Variants in PTPRM observed in about 807,000 individuals in gnomAD.
The protein encoded by PTPRM is protein tyrosine phosphatase receptor type M.
In PTPRM, 47 loss-of-function variants were observed where a neutral mutation model predicts 186.7. The observed-to-expected ratio is 0.25, with a 90% CI of 0.20 to 0.32. The LOEUF is 0.32. Ranked by LOEUF, PTPRM falls within the 10% of genes least tolerant of loss-of-function variation. The pLI is 1.00. For missense variants in PTPRM, 1,494 were observed against 1,865.0 expected, an observed-to-expected ratio of 0.80 and a Z score of 3.66; for synonymous variants, 668 against 674.9, an observed-to-expected ratio of 0.99 and a Z score of 0.16.
chr18:8,244,266 G>T, intron 15 of PTPRM, 57 bp downstream of exon 15: 1 of 1,440,772 alleles, frequency 6.9e-7, no homozygotes, highest in Non-Finnish European at 9.2e-7. Flanking sequence ...CAAGATTCCA[G>T]GTGGTACTAG....
intron 3 of PTPRM, among the ~76,000 whole-genome samples, chr18:7,898,244 CAGA>C (rs2049470623): frequency 1.3e-5 from 2 of 152,102 alleles, no homozygotes; most frequent in Non-Finnish European, 1.5e-5. Context: ...AAATCAAAAC[CAGA>C]AGGATAGACT....
At chr18:7,662,319 A>G (rs996936997) in intron 1 of PTPRM, among the ~76,000 whole-genome samples, 1 of 152,222 alleles carries the variant, frequency 6.6e-6, no homozygotes, top group African/African-American at 2.4e-5. Context: ...CTAAGTGTGT[A>G]TCAAGAGATG....
chr18:8,323,363 C>G (rs911302016), intron 22 of PTPRM, among the ~76,000 whole-genome samples: 3 of 152,094 alleles, frequency 2.0e-5, no homozygotes, highest in Admixed American at 6.5e-5. Context: ...ATGCTCACCC[C>G]CCAAAACCAT....
intron 20 of PTPRM, among the ~76,000 whole-genome samples, chr18:8,314,571 T>A (rs566206356): frequency 6.6e-6 from 1 of 152,368 alleles, no homozygotes; most frequent in South Asian, 2.1e-4. Flanking sequence ...AATAAGTTAA[T>A]GAGATTTACT....
At chr18:8,237,431 ATTTTTTTTTTT>A (rs59073560) in intron 14 of PTPRM, among the ~76,000 whole-genome samples, 15 of 71,676 alleles carry the variant, frequency 2.1e-4, no homozygotes, top group African/African-American at 3.0e-4. Flanking sequence ...GATTCCCTCA[ATTTTTTTTTTT>A]TTTTTTTTTT....
At chr18:8,286,116 G>C (rs1198229210) in intron 19 of PTPRM, among the ~76,000 whole-genome samples, 1 of 152,236 alleles carries the variant, frequency 6.6e-6, no homozygotes, top group South Asian at 2.1e-4. Context: ...AGGTGTACAT[G>C]AGTGACTAAA....
intron 14 of PTPRM, among the ~76,000 whole-genome samples, chr18:8,191,324 A>G (rs1352883569): frequency 6.6e-6 from 1 of 150,932 alleles, no homozygotes; most frequent in African/African-American, 2.5e-5. Context: ...GGGCCTAGGG[A>G]GCACATACTT....
chr18:8,126,693 C>G lies in PTPRM; in HGVS notation c.2167+11866C>G, dbSNP rs769207451. Reference sequence around the variant, plus strand: ...TGTCCTTCTGGGGACCCAAGGTTCTCTATTTGTAAGATGAAGATATAACTG... The same window carrying G: ...TGTCCTTCTGGGGACCCAAGGTTCTGTATTTGTAAGATGAAGATATAACTG... On this transcript the variant is annotated intron_variant, in intron 13 of 32. Coordinates refer to ENST00000580170, the MANE Select transcript of PTPRM (RefSeq NM_001105244.2). Among the ~76,000 whole-genome samples, 18 of 152,122 alleles carry G rather than the reference C, an allele frequency of 1.2e-4. 1 individual carries two copies. The highest frequency in any genetic ancestry group is 1.5e-5 in the Non-Finnish European group (1 of 68,032).
intron 13 of PTPRM, among the ~76,000 whole-genome samples, chr18:8,121,618 A>G (rs927875872): frequency 2.6e-5 from 4 of 152,174 alleles, no homozygotes; most frequent in African/African-American, 9.7e-5. Flanking sequence ...TTCTTTTCCA[A>G]CCAATACTTG....
chr18:8,215,011 A>G (rs111908083), intron 14 of PTPRM, among the ~76,000 whole-genome samples: 95 of 152,258 alleles, frequency 6.2e-4, no homozygotes, highest in African/African-American at 2.2e-3. Flanking sequence ...TATCTTTGAC[A>G]CCATTTTGAC....
chr18:7,708,233 G>A (rs889097183), intron 1 of PTPRM, among the ~76,000 whole-genome samples: 6 of 152,076 alleles, frequency 3.9e-5, no homozygotes, highest in Non-Finnish European at 7.4e-5. Context: ...ACCAAATAAC[G>A]TTTTCCAGTC....
At chr18:8,202,820 A>G (rs2093876226) in intron 14 of PTPRM, among the ~76,000 whole-genome samples, 1 of 152,092 alleles carries the variant, frequency 6.6e-6, no homozygotes, top group Admixed American at 6.6e-5. Context: ...ATCTTAATAA[A>G]ATATAATTGG....
At chr18:8,326,365 C>G (rs2095376259) in intron 22 of PTPRM, among the ~76,000 whole-genome samples, 1 of 152,156 alleles carries the variant, frequency 6.6e-6, no homozygotes, top group Non-Finnish European at 1.5e-5. Flanking sequence ...CTGCTCAAAG[C>G]AATTTACAGA....
In PTPRM at chr18:7,679,494, G is replaced by A. The variant is rs139360731; in HGVS notation, c.74-94655G>A. Among the ~76,000 whole-genome samples the A allele has an allele frequency of 3.6e-4, 54 of 152,088 alleles. No individual in the cohort carries two copies. In the South Asian group the frequency reaches 9.1e-3, roughly 26 times the overall value. On this transcript the variant is annotated intron_variant, in intron 1 of 32. Coordinates refer to ENST00000580170, the MANE Select transcript of PTPRM (RefSeq NM_001105244.2). Reference sequence around the variant, plus strand: ...AGCCTTGCCAACATGGTAAAACCCCGTCTTTACTAAAGATAAAGAAATTAG... The same window carrying A: ...AGCCTTGCCAACATGGTAAAACCCCATCTTTACTAAAGATAAAGAAATTAG...
intron 14 of PTPRM, among the ~76,000 whole-genome samples, chr18:8,156,236 G>A (rs2093118516): frequency 6.6e-6 from 1 of 152,098 alleles, no homozygotes. Context: ...TCAACCTAAT[G>A]GGAACTCTTT....
In PTPRM at chr18:7,888,158, C is replaced by T. The variant is rs1356270711; in HGVS notation, c.249C>T (p.His83=). The part of the protein sequence containing the change: ...ASGRPEGQRA[H]LLLPQLKEND... Reference sequence around the variant, plus strand: ...GGAGACCTGAGGGGCAGAGAGCCCACCTGCTCTTACCCCAACTTAAAGAAA... The same window carrying T: ...GGAGACCTGAGGGGCAGAGAGCCCATCTGCTCTTACCCCAACTTAAAGAAA... The change falls in exon 3 of 33, where the codon CAC becomes CAT. Residue 83 remains histidine, a synonymous_variant. Transcript: ENST00000580170. The T allele has an allele frequency of 1.2e-6, 2 of 1,614,008 alleles. No homozygotes were observed. Among genetic ancestry groups the T allele is most frequent in the East Asian group, 2.2e-5 (1 of 44,882 alleles).
At chr18:7,947,117 C>T (rs2052584758) in intron 5 of PTPRM, 1 of 419,450 alleles carries the variant, frequency 2.4e-6, no homozygotes, top group South Asian at 1.7e-5. Context: ...TCATATTCCT[C>T]AGTCTCAGGT....
At chr18:7,877,575 G>A (rs568932631) in intron 2 of PTPRM, among the ~76,000 whole-genome samples, 1 of 152,138 alleles carries the variant, frequency 6.6e-6, no homozygotes, top group Non-Finnish European at 1.5e-5. Context: ...AGTATTTTAC[G>A]TGATTTACCT....
chr18:7,791,729 TA>T (rs1287308773), intron 2 of PTPRM, among the ~76,000 whole-genome samples: 3 of 152,222 alleles, frequency 2.0e-5, no homozygotes, highest in African/African-American at 7.2e-5. Flanking sequence ...ATGGTCCTGG[TA>T]AATTATTACA....
Sources: allele counts gnomAD v4.1 joint callset (sites outside exome capture counted in the v4.1 genomes callset), GRCh38; gene constraint gnomAD v4.1.1; transcripts MANE v1.5; gene names NCBI Gene and HGNC (gene_info 2026-07-23, HGNC 2026-07-21).